Variants in TNXB observed in about 807,000 individuals in gnomAD.
TNXB encodes tenascin XB.
TNXB carries 183 observed loss-of-function variants against 340.5 expected under a neutral mutation model. The ratio of observed to expected loss-of-function variants is 0.54; its 90% confidence interval spans 0.48 to 0.61. The LOEUF (loss-of-function observed/expected upper bound fraction) is 0.61, where lower values mean the gene tolerates loss of function less well. Among genes scored for constraint, TNXB ranks in the 20% least tolerant of loss-of-function variants. TNXB has a pLI of 0.00. For synonymous variants in TNXB, 2,121 were observed against 2,314.5 expected (o/e 0.92, Z 2.40); for missense variants, 4,613 against 5,446.4 (o/e 0.85, Z 4.82).
chr6:32,089,171 T>C lies in TNXB; in HGVS notation c.2515+52A>G, dbSNP rs1186243899. ...GCCCTCCCGGAGGGCAGATTCCCTCTCTAGTCCAGATCTCCACTCAGGACA... is the reference window on the plus strand; with the variant it reads ...GCCCTCCCGGAGGGCAGATTCCCTCCCTAGTCCAGATCTCCACTCAGGACA... On this transcript the variant is annotated intron_variant, in intron 5 of 43. Transcript: ENST00000644971. This position sits in a 1 kb window ranked among gnomAD's most constrained non-coding sequence, Gnocchi z 6.2. 6.4e-7 allele frequency: 1 copy of C among 1,568,298 alleles called. No individual in the cohort carries two copies. The highest frequency in any genetic ancestry group is 1.2e-5 in the South Asian group (1 of 83,456).
Position 32,069,484 on chromosome 6 carries a change from T to C in TNXB, c.5587+69A>G. 3 of 1,467,948 alleles carry C rather than the reference T, an allele frequency of 2.0e-6. No individual in the cohort carries two copies. In the South Asian group the frequency reaches 4.3e-5, roughly 21 times the overall value. The allele number at this position is 1,467,948 out of a possible 1,614,324, so 90.9% of individuals were successfully genotyped here. ...TATAAAATGGGAAGCTCAGAGATCT[T>C]ATGGCTCAGTCAGACCAGGAGAGCC... On this transcript the variant is annotated intron_variant, in intron 15 of 43. Transcript: ENST00000644971. This position sits in a 1 kb window ranked among gnomAD's most constrained non-coding sequence, Gnocchi z 6.2.
In TNXB at chr6:32,097,126, C is replaced by G. The variant is rs748008150; in HGVS notation, c.727G>C (p.Asp243His). The G allele has an allele frequency of 1.4e-5, 23 of 1,609,336 alleles. No individual in the cohort carries two copies. Among genetic ancestry groups the G allele is most frequent in the Non-Finnish European group, 1.4e-5 (17 of 1,178,134 alleles). ...CGAGGGCAGGAGCGCTGGCTGCAGT[C>G]GGGGCCTGAGAAGCCTGCCCGGCAC... is the stretch of plus-strand genomic sequence containing the variant. ...CVCRAGFSGP[D>H]CSQRSCPRGC... The change falls in exon 3 of 44, where the codon GAC becomes CAC. Residue 243 changes from aspartate to histidine, a missense_variant. Physicochemically the swap from Asp to His is moderately conservative, Grantham distance 81 (BLOSUM62 -1). Around this residue, in one of 7 missense-constraint regions of TNXB, gnomAD observed 4,327 missense variants for 4,859.4 expected, o/e 0.89. Coordinates refer to ENST00000644971, the MANE Select transcript of TNXB (RefSeq NM_001365276.2). The surrounding 1 kb of genome is among the most constrained non-coding windows in gnomAD (Gnocchi z 5.9).
In TNXB at chr6:32,096,673, A is replaced by T. The variant is rs1479253700; in HGVS notation, c.1180T>A (p.Tyr394Asn). The T allele has an allele frequency of 1.3e-6, 2 of 1,553,850 alleles. No individual in the cohort carries two copies. The highest frequency in any genetic ancestry group is 3.8e-5 in the Admixed American group (2 of 51,998). Residue 394 changes from tyrosine to asparagine, a missense_variant, in exon 3 of 44, where the codon TAC (tyrosine) becomes AAC (asparagine). Coordinates refer to ENST00000644971, the MANE Select transcript of TNXB (RefSeq NM_001365276.2). ...EDGECICDTGYSGDDCGVRSC... is the reference protein window; with the variant it reads ...EDGECICDTGNSGDDCGVRSC... ...CGCACGCCGCAGTCGTCCCCGCTGT[A>T]GCCCGTGTCGCAAATGCATTCGCCG...
Position 32,041,154 on chromosome 6 carries a change from G to A in TNXB, c.*195C>T. 1.3e-6 allele frequency: 2 copies of A among 1,582,092 alleles called. No individual in the cohort carries two copies. The highest frequency in any genetic ancestry group is 2.2e-4 in the Middle Eastern group (1 of 4,538). ...CAGTGATGGGGCAGGACCGATGCCA[G>A]CCGGGTACCTCAGTTTCTCCTTTAT... is the stretch of plus-strand genomic sequence containing the variant. On this transcript the variant is annotated 3_prime_UTR_variant, in exon 44 of 44. Transcript: ENST00000644971.
chr6:32,085,977 G>A lies in TNXB; in HGVS notation c.2921C>T (p.Thr974Ile), dbSNP rs1368989194. The stretch of plus-strand genomic sequence containing the variant: ...GGTCCAGACCACACGGAGGCGCCCT[G>A]TCTCATCTCTGCCCAGCACCCTCAA... ...GELRVLGRDETGRLRVVWTAQ... is the reference protein window; with the variant it reads ...GELRVLGRDEIGRLRVVWTAQ... The change falls in exon 7 of 44, where the codon ACA becomes ATA. Residue 974 changes from threonine to isoleucine, a missense_variant. Thr to Ile is a moderately conservative substitution (Grantham distance 89). Transcript: ENST00000644971. This position sits in a 1 kb window ranked among gnomAD's most constrained non-coding sequence, Gnocchi z 6.4. The A allele has an allele frequency of 1.2e-6, 2 of 1,608,082 alleles. No individual in the cohort carries two copies. Among genetic ancestry groups the A allele is most frequent in the African/African-American group, 2.7e-5 (2 of 75,010 alleles).
At position 32,046,169 on chromosome 6, in the gene TNXB, C is replaced by A. The variant is rs1396887495; in HGVS notation, c.10606+6G>T. 6.3e-7 allele frequency: 1 copy of A among 1,578,572 alleles called. No homozygotes were observed. Among genetic ancestry groups the A allele is most frequent in the Non-Finnish European group, 8.6e-7 (1 of 1,156,636 alleles). On this transcript the variant is annotated splice_donor_region_variant and intron_variant, in intron 31 of 43. Transcript: ENST00000644971. The surrounding 1 kb of genome is among the most constrained non-coding windows in gnomAD (Gnocchi z 6.9). ...GGCTTGCTATAGCCAGGCACAGCAG[C>A]CTCACCTGTCATTCCCAGGGCAGAG...
At position 32,082,468 on chromosome 6, in the gene TNXB, T is replaced by G. The variant is rs190443807; in HGVS notation, c.3446-142A>C. On this transcript the variant is annotated intron_variant, in intron 8 of 43. Transcript: ENST00000644971. The surrounding 1 kb of genome is among the most constrained non-coding windows in gnomAD (Gnocchi z 5.0). Reference sequence around the variant, plus strand: ...ATTTGCTGAGGGAGTACAGAGGGACTGAAATCCAGCCAGCACTCTGCTTGC... The same window carrying G: ...ATTTGCTGAGGGAGTACAGAGGGACGGAAATCCAGCCAGCACTCTGCTTGC... 1.2e-6 allele frequency: 1 copy of G among 851,068 alleles called. No individual in the cohort carries two copies. The highest frequency in any genetic ancestry group is 2.5e-5 in the East Asian group (1 of 39,862). The allele number at this position is 851,068 out of a possible 1,614,324, so 52.7% of individuals were successfully genotyped here. A position where few individuals can be genotyped will look rare whatever the true frequency, so the allele number is the denominator to read the frequency against.
rs759713941 is a variant in TNXB at position 32,095,835 on chromosome 6, T to C, written c.2018A>G (p.Tyr673Cys). The C allele has an allele frequency of 1.2e-6, 2 of 1,612,460 alleles. No individual in the cohort carries two copies. The highest frequency in any genetic ancestry group is 1.7e-6 in the Non-Finnish European group (2 of 1,179,382). Reference sequence around the variant, plus strand: ...TTCCTGCCCGCAGTCCTCACCGCCATAGCCCACGTGGCACAGGCACACTCC... The same window carrying C: ...TTCCTGCCCGCAGTCCTCACCGCCACAGCCCACGTGGCACAGGCACACTCC... ...VQGVCLCHVG[Y>C]GGEDCGQEEP... Residue 673 changes from tyrosine (Y) to cysteine (C), a missense_variant, in exon 3 of 44, where the codon TAT becomes TGT. Around this residue, in one of 7 missense-constraint regions of TNXB, gnomAD observed 4,327 missense variants for 4,859.4 expected, o/e 0.89. Transcript: ENST00000644971.
chr6:32,055,366 G>A lies in TNXB; in HGVS notation c.8467+485C>T, dbSNP rs116851612. On this transcript the variant is annotated intron_variant, in intron 24 of 43. Coordinates refer to ENST00000644971, the MANE Select transcript of TNXB (RefSeq NM_001365276.2). ...TTGATACCCTAAAATTACAGTGTCC[G>A]GATCAGGGCAAGGAATTCTTTGCTG... Among the ~76,000 whole-genome samples the A allele has an allele frequency of 1.4e-3, 213 of 152,286 alleles. 5 individuals are homozygous for A. In the East Asian group the frequency reaches 0.039, roughly 28 times the overall value.
intron 18 of TNXB, among the ~76,000 whole-genome samples, chr6:32,065,927 A>C (rs1778309276): frequency 6.6e-6 from 1 of 152,158 alleles, no homozygotes; most frequent in South Asian, 2.1e-4. Context: ...TGGGATTACA[A>C]GCGTGAACCA....
chr6:32,101,300 T>G (rs927968626), intron 1 of TNXB, among the ~76,000 whole-genome samples: 2 of 152,128 alleles, frequency 1.3e-5, no homozygotes, highest in African/African-American at 4.8e-5. Flanking sequence ...CAGCTCATTT[T>G]TTTTGTAGAG....
chr6:32,069,202 G>A lies in TNXB; in HGVS notation c.5588-66C>T. The A allele has an allele frequency of 1.0e-5, 15 of 1,490,420 alleles. No homozygotes were observed. Among genetic ancestry groups the A allele is most frequent in the Non-Finnish European group, 1.3e-5 (14 of 1,108,902 alleles). 92.3% of individuals were successfully genotyped at this position (1,490,420 alleles called of 1,614,324 possible). A position where few individuals can be genotyped will look rare whatever the true frequency, so the allele number is the denominator to read the frequency against. ...CGCTGCACCCAGACTCTCAGGAGGA[G>A]TGAGGGAGGAGAGGGAGTGAGGGCA... On this transcript the variant is annotated intron_variant, in intron 15 of 43. Coordinates refer to ENST00000644971, the MANE Select transcript of TNXB (RefSeq NM_001365276.2). This position sits in a 1 kb window ranked among gnomAD's most constrained non-coding sequence, Gnocchi z 6.2.
intron 1 of TNXB, among the ~76,000 whole-genome samples, chr6:32,104,197 A>T (rs547804098): frequency 6.6e-6 from 1 of 152,282 alleles, no homozygotes; most frequent in Admixed American, 6.5e-5. Flanking sequence ...ATTTCTACTA[A>T]ATTAATAGAC....
In TNXB at chr6:32,096,967, C is replaced by T; in HGVS notation, c.886G>A (p.Val296Met). ...TCGCCAGTGTAGCCGGGGTTACACA[C>T]GCAGCGCCCATTCTCACAGCGCCCC... ...QRGRCENGRC[V>M]CNPGYTGEDC... is the part of the protein sequence containing the mutation. Residue 296 changes from valine to methionine, a missense_variant, in exon 3 of 44, where the codon GTG becomes ATG. By Grantham distance (21) the Val-to-Met change is conservative. Around this residue, in one of 7 missense-constraint regions of TNXB, gnomAD observed 4,327 missense variants for 4,859.4 expected, o/e 0.89. Transcript: ENST00000644971. The T allele has an allele frequency of 6.2e-7, 1 of 1,605,900 alleles. No homozygotes were observed. The highest frequency in any genetic ancestry group is 8.5e-7 in the Non-Finnish European group (1 of 1,173,402).
chr6:32,095,923 C>G lies in TNXB; in HGVS notation c.1930G>C (p.Gly644Arg), dbSNP rs764261572. 4 of 1,612,790 alleles carry G rather than the reference C, an allele frequency of 2.5e-6. No individual in the cohort carries two copies. In the South Asian group the frequency reaches 4.4e-5, roughly 18 times the overall value. Residue 644 changes from glycine (G) to arginine (R), a missense_variant, in exon 3 of 44, where the codon GGC (glycine) becomes CGC (arginine). Transcript: ENST00000644971. ...CACATGCGGGTGGCACAGGTAGGGC[C>G]GGTGTAGCCTGGGTCGCACAGGCAG... ...GRCLCDPGYT[G>R]PTCATRMCPA...
At position 32,097,482 on chromosome 6, in the gene TNXB, T is replaced by C; in HGVS notation, c.404-33A>G. 1 of 1,566,588 alleles carries C rather than the reference T, an allele frequency of 6.4e-7. No homozygotes were observed. The highest frequency in any genetic ancestry group is 8.6e-7 in the Non-Finnish European group (1 of 1,159,818). ...AGGAGGGGAGAGGCAAGTCTCAGTC[T>C]CTCTCCTGGGAGAGAGGCTGAGCCT... On this transcript the variant is annotated intron_variant, in intron 2 of 43. Coordinates refer to ENST00000644971, the MANE Select transcript of TNXB (RefSeq NM_001365276.2). The surrounding 1 kb of genome is among the most constrained non-coding windows in gnomAD (Gnocchi z 5.9).
intron 11 of TNXB, 50 bp downstream of exon 11, chr6:32,078,983 G>A (rs1281075150): frequency 1.3e-6 from 2 of 1,561,368 alleles, no homozygotes. Context: ...CAGGGAAGCT[G>A]GGAGCCAGCA....
chr6:32,069,451 G>A lies in TNXB; in HGVS notation c.5587+102C>T. 1 of 1,354,260 alleles carries A rather than the reference G, an allele frequency of 7.4e-7. No homozygotes were observed. The highest frequency in any genetic ancestry group is 9.8e-7 in the Non-Finnish European group (1 of 1,017,568). 83.9% of individuals were successfully genotyped at this position (1,354,260 alleles called of 1,614,324 possible). On this transcript the variant is annotated intron_variant, in intron 15 of 43. Coordinates refer to ENST00000644971, the MANE Select transcript of TNXB (RefSeq NM_001365276.2). This position sits in a 1 kb window ranked among gnomAD's most constrained non-coding sequence, Gnocchi z 6.2. ...GCACAAGGAAACTTTCTGGATCAAT[G>A]GAAATGATATAAAATGGGAAGCTCA...
rs1325749574 is a variant in TNXB, at chr6:32,055,990, C to T, written c.8328G>A (p.Arg2776=). 1.9e-6 allele frequency: 3 copies of T among 1,613,378 alleles called. No homozygotes were observed. The African/African-American group carries it at 4.0e-5, about 21-fold the overall frequency. Residue 2776 remains arginine (R), a synonymous_variant, in exon 24 of 44, where the codon CGG becomes CGA. Transcript: ENST00000644971. ...CGCCCCTGACACGCATCACCTGGGG[C>T]CGCCCGTCCCTGTCCTTGTACTGCA... ...FTVQYKDRDG[R]PQVMRVRGEE...
Sources: gnomAD v4.1 joint callset for allele counts (sites outside exome capture counted in the v4.1 genomes callset) on GRCh38, gnomAD v4.1.1 for gene constraint, gnomAD v4.1.1 regional missense constraint, Gnocchi (gnomAD v3.1) non-coding constraint, MANE v1.5 for transcripts, NCBI Gene and HGNC (gene_info 2026-07-23, HGNC 2026-07-21) for gene names.